The following FRY variants were observed in gnomAD, a reference collection of about 807,000 sequenced individuals.
FRY encodes the protein protein furry homolog.
In FRY, 128 loss-of-function variants were observed where a neutral mutation model predicts 348.4. That is an observed-to-expected ratio of 0.37 (90% CI 0.32 to 0.43). The LOEUF is 0.43. FRY is among the 20% of genes least tolerant of loss of function. The pLI, the probability that FRY is intolerant of heterozygous loss-of-function variation, is 1.00. For missense variants in FRY, 2,736 were observed against 3,695.2 expected, an observed-to-expected ratio of 0.74 and a Z score of 6.73; for synonymous variants, 1,370 against 1,374.7, an observed-to-expected ratio of 1.00 and a Z score of 0.08.
intron 1 of FRY, among the ~76,000 whole-genome samples, chr13:32,072,113 G>T (rs776812369): frequency 6.6e-6 from 1 of 152,062 alleles, no homozygotes; most frequent in Non-Finnish European, 1.5e-5. Context: ...ATACTAATTC[G>T]TCTGGAGATA....
intron 2 of FRY, among the ~76,000 whole-genome samples, chr13:32,090,241 G>C (rs1876193717): frequency 6.6e-6 from 1 of 151,574 alleles, no homozygotes; most frequent in Admixed American, 6.6e-5. Flanking sequence ...CCAGCTACTC[G>C]GGAGGCTGAG....
At chr13:32,276,586 T>C in intron 57 of FRY, 24 bp downstream of exon 57, 1 of 1,236,316 alleles carries the variant, frequency 8.1e-7, no homozygotes, top group Non-Finnish European at 1.2e-6. Flanking sequence ...TTTCTATGCA[T>C]ATGCAGTCAG....
At chr13:32,096,802 CAAAAAAAAAAAAA>C (rs10680393) in intron 2 of FRY, among the ~76,000 whole-genome samples, 16 of 77,600 alleles carry the variant, frequency 2.1e-4, no homozygotes, top group African/African-American at 8.3e-4. Flanking sequence ...GACTCTGTCT[CAAAAAAAAAAAAA>C]AAAAAAAAAA....
chr13:32,245,785 A>G (rs780436442), intron 47 of FRY, among the ~76,000 whole-genome samples: 9 of 152,172 alleles, frequency 5.9e-5, no homozygotes, highest in Non-Finnish European at 1.3e-4. Context: ...AAGAGCATAG[A>G]CATCCTTTTC....
intron 36 of FRY, among the ~76,000 whole-genome samples, chr13:32,219,112 G>C (rs1286194863): frequency 7.2e-6 from 1 of 138,936 alleles, no homozygotes; most frequent in African/African-American, 2.7e-5. Context: ...TTTTTGAGAC[G>C]GAGTCTCGCT....
intron 58 of FRY, among the ~76,000 whole-genome samples, chr13:32,283,479 GA>G (rs1888911847): frequency 6.6e-6 from 1 of 152,160 alleles, no homozygotes; most frequent in African/African-American, 2.4e-5. Context: ...TTTCCAAAAA[GA>G]AAACGGGAAA....
rs778183059 is a variant in FRY, at chr13:32,236,140, G to A, written c.5778G>A (p.Leu1926=). 5.0e-6 allele frequency: 8 copies of A among 1,613,740 alleles called. No homozygotes were observed. The South Asian group carries it at 5.5e-5, about 11-fold the overall frequency. ...EAAVDNLSDC[L]KNSDLLTVLS... ...CTGTGGATAACTTGTCTGACTGCTT[G>A]AAGAACAGTGACCTCCTAACTGTAT... is the stretch of plus-strand genomic sequence containing the variant. Residue 1926 remains leucine (L), a synonymous_variant, in exon 43 of 61, where the codon TTG becomes TTA. Transcript: ENST00000542859.
At chr13:32,262,503 G>T in intron 53 of FRY, 28 bp downstream of exon 53, 1 of 1,575,376 alleles carries the variant, frequency 6.3e-7, no homozygotes, top group African/African-American at 1.4e-5. Flanking sequence ...ATGATGATTT[G>T]TACTTCCCTT....
At chr13:32,163,155 T>C (rs1023343900) in intron 17 of FRY, among the ~76,000 whole-genome samples, 15 of 152,210 alleles carry the variant, frequency 9.9e-5, no homozygotes, top group African/African-American at 3.4e-4. Flanking sequence ...GTCAGTTTGC[T>C]GTGGACAGCA....
intron 30 of FRY, 105 bp from the exon 31 acceptor site, chr13:32,202,251 A>T (rs1311503609): frequency 1.1e-6 from 1 of 917,868 alleles, no homozygotes; most frequent in Non-Finnish European, 1.8e-6. Flanking sequence ...TTTAAATGGG[A>T]ATTAATTAAT....
intron 29 of FRY, among the ~76,000 whole-genome samples, chr13:32,200,491 T>C (rs1186735771): frequency 2.0e-5 from 3 of 152,086 alleles, no homozygotes; most frequent in African/African-American, 7.2e-5. Flanking sequence ...GAAGGCCCAG[T>C]TGGGAGGATC....
chr13:32,262,613 TAATAG>T (rs1887717589), intron 53 of FRY, 138 bp downstream of exon 53: 1 of 731,818 alleles, frequency 1.4e-6, no homozygotes, highest in African/African-American at 1.8e-5. Context: ...TTTTTTAAAA[TAATAG>T]AAGTTTGTGC....
intron 57 of FRY, among the ~76,000 whole-genome samples, chr13:32,277,743 C>T (rs1011788475): frequency 3.3e-5 from 5 of 152,328 alleles, no homozygotes; most frequent in South Asian, 2.1e-4. Context: ...AACTCTCCAC[C>T]GTAACAATTA....
At chr13:32,037,185 T>C (rs1030632056) in intron 1 of FRY, among the ~76,000 whole-genome samples, 1 of 152,220 alleles carries the variant, frequency 6.6e-6, no homozygotes, top group Non-Finnish European at 1.5e-5. Context: ...CCTATGATCA[T>C]TTGATTAAAT....
chr13:32,229,716 A>G (rs1320414514), intron 40 of FRY, among the ~76,000 whole-genome samples: 1 of 152,204 alleles, frequency 6.6e-6, no homozygotes, highest in African/African-American at 2.4e-5. Flanking sequence ...AACCAAGTAG[A>G]TGACAGAGGC....
At position 32,124,384 on chromosome 13, in the gene FRY, A is replaced by T. The variant is rs886117179; in HGVS notation, c.555+8A>T. On this transcript the variant is annotated splice_region_variant and intron_variant, in intron 5 of 60. Transcript: ENST00000542859. Reference sequence around the variant, plus strand: ...ATAGAAGTTTTGAAACAGGTAGGTGATTAATTTATTGTTACTTTTAGATAA... The same window carrying T: ...ATAGAAGTTTTGAAACAGGTAGGTGTTTAATTTATTGTTACTTTTAGATAA... 3 of 1,360,478 alleles carry T rather than the reference A, an allele frequency of 2.2e-6. No homozygotes were observed. The African/African-American group carries it at 4.3e-5, about 20-fold the overall frequency. 84.3% of individuals were successfully genotyped at this position (1,360,478 alleles called of 1,614,324 possible). A position where few individuals can be genotyped will look rare whatever the true frequency, so the allele number is the denominator to read the frequency against.
At chr13:32,260,833 CA>C (rs891280920) in intron 51 of FRY, among the ~76,000 whole-genome samples, 2 of 151,774 alleles carry the variant, frequency 1.3e-5, no homozygotes, top group Non-Finnish European at 2.9e-5. Flanking sequence ...AAGAAAAAAA[CA>C]AAAAAACAGT....
At chr13:32,037,060 A>G (rs1872550675) in intron 1 of FRY, among the ~76,000 whole-genome samples, 1 of 24,134 alleles carries the variant, frequency 4.1e-5, no homozygotes, top group South Asian at 1.6e-3. Context: ...ACACACACAA[A>G]CACACACACA....
At position 32,178,881 on chromosome 13, in the gene FRY, A is replaced by G. The variant is rs904143112; in HGVS notation, c.2719A>G (p.Ser907Gly). The part of the protein sequence containing the change: ...INAKKTSTAG[S>G]GDNYVTLWRN... ...TGCCAAGAAAACCAGCACTGCCGGC[A>G]GCGGAGACAACTATGTTACTTTGTG... The change falls in exon 22 of 61, where the codon AGC (serine) becomes GGC (glycine). Residue 907 changes from serine (S) to glycine (G), a missense_variant. Ser to Gly is a moderately conservative substitution (Grantham distance 56). This residue lies in a region of FRY where 449 missense variants were observed against 576.9 expected (regional missense o/e 0.78). Transcript: ENST00000542859. 7 of 1,613,800 alleles carry G rather than the reference A, an allele frequency of 4.3e-6. No homozygotes were observed. The highest frequency in any genetic ancestry group is 5.9e-6 in the Non-Finnish European group (7 of 1,179,780).
Sources: gnomAD v4.1 joint callset for allele counts (sites outside exome capture counted in the v4.1 genomes callset) on GRCh38, gnomAD v4.1.1 for gene constraint, gnomAD v4.1.1 regional missense constraint, MANE v1.5 for transcripts, NCBI Gene and HGNC (gene_info 2026-07-23, HGNC 2026-07-21) for gene names.